Variants in SCAPER observed in about 807,000 individuals in gnomAD.
SCAPER encodes the protein S-phase cyclin A associated protein in the ER, also known as S phase cyclin A-associated protein in the endoplasmic reticulum.
SCAPER carries 98 observed loss-of-function variants against 182.2 expected under a neutral mutation model. The observed-to-expected ratio is 0.54, with a 90% CI of 0.46 to 0.64. SCAPER has a LOEUF of 0.64. Ranked by LOEUF, SCAPER falls within the 30% of genes least tolerant of loss-of-function variation. The pLI is 0.00. For synonymous variants in SCAPER, 605 were observed against 564.6 expected, an observed-to-expected ratio of 1.07 and a Z score of -1.01; for missense variants, 1,432 against 1,690.0, an observed-to-expected ratio of 0.85 and a Z score of 2.68.
chr15:76,516,214 A>C (rs1378901524), intron 23 of SCAPER, among the ~76,000 whole-genome samples: 1 of 151,710 alleles, frequency 6.6e-6, no homozygotes, highest in Non-Finnish European at 1.5e-5. Flanking sequence ...TCTTTTAAAA[A>C]ATTTTTTAAA....
At chr15:76,758,669 C>T (rs1245313417) in intron 14 of SCAPER, among the ~76,000 whole-genome samples, 1 of 152,124 alleles carries the variant, frequency 6.6e-6, no homozygotes, top group Non-Finnish European at 1.5e-5. Context: ...TTGTAGATCA[C>T]TTAAGGCTGT....
At chr15:76,464,658 T>C (rs1424088183) in intron 25 of SCAPER, among the ~76,000 whole-genome samples, 1 of 152,198 alleles carries the variant, frequency 6.6e-6, no homozygotes, top group African/African-American at 2.4e-5. Context: ...TGTTGATGAA[T>C]ATTTAGGTAT....
chr15:76,401,718 T>G (rs867737822), intron 27 of SCAPER, among the ~76,000 whole-genome samples: 4 of 152,208 alleles, frequency 2.6e-5, no homozygotes, highest in African/African-American at 9.7e-5. Flanking sequence ...AACTCTTGTA[T>G]GTCCGTATCT....
intron 7 of SCAPER, among the ~76,000 whole-genome samples, chr15:76,799,732 T>C (rs1296579571): frequency 6.6e-6 from 1 of 152,178 alleles, no homozygotes; most frequent in Non-Finnish European, 1.5e-5. Flanking sequence ...TAGAAGAGGA[T>C]GCCTGCAACG....
chr15:76,725,615 A>G (rs2060537398), intron 17 of SCAPER, among the ~76,000 whole-genome samples: 1 of 152,136 alleles, frequency 6.6e-6, no homozygotes, highest in Non-Finnish European at 1.5e-5. Context: ...ACAGTAATCA[A>G]AACAGTATGG....
intron 25 of SCAPER, among the ~76,000 whole-genome samples, chr15:76,448,091 G>A (rs1251576149): frequency 1.3e-5 from 2 of 152,186 alleles, no homozygotes; most frequent in Non-Finnish European, 2.9e-5. Flanking sequence ...GACTAGTGGT[G>A]TATGAGACTG....
chr15:76,859,154 T>C (rs770619070), intron 3 of SCAPER, among the ~76,000 whole-genome samples: 43 of 152,190 alleles, frequency 2.8e-4, no homozygotes, highest in Non-Finnish European at 5.7e-4. Flanking sequence ...AATAAAATTC[T>C]ATAATGTATA....
chr15:76,767,116 A>C, intron 10 of SCAPER, 28 bp from the exon 11 acceptor site: 1 of 1,526,218 alleles, frequency 6.6e-7, no homozygotes, highest in Non-Finnish European at 8.8e-7. Flanking sequence ...CATAAACAAA[A>C]AGAAAAATGA....
At chr15:76,627,918 C>G (rs1474648894) in intron 21 of SCAPER, among the ~76,000 whole-genome samples, 1 of 152,108 alleles carries the variant, frequency 6.6e-6, no homozygotes, top group Non-Finnish European at 1.5e-5. Flanking sequence ...AGTGTAAAAG[C>G]ACTCCTATTT....
At chr15:76,661,915 A>T (rs1197807169) in intron 21 of SCAPER, among the ~76,000 whole-genome samples, 1 of 152,228 alleles carries the variant, frequency 6.6e-6, no homozygotes, top group Non-Finnish European at 1.5e-5. Flanking sequence ...ACAATAACAA[A>T]GACATGGAAC....
chr15:76,810,120 T>C (rs2066480491), intron 5 of SCAPER, among the ~76,000 whole-genome samples: 1 of 152,058 alleles, frequency 6.6e-6, no homozygotes, highest in Non-Finnish European at 1.5e-5. Flanking sequence ...TTGTTCACAT[T>C]GAAACAAAAA....
chr15:76,574,728 C>A (rs1254518382), intron 22 of SCAPER, among the ~76,000 whole-genome samples: 1 of 152,138 alleles, frequency 6.6e-6, no homozygotes, highest in Non-Finnish European at 1.5e-5. Flanking sequence ...TGTTTACAGG[C>A]AGTTTGGGGA....
chr15:76,551,326 T>C (rs180845008), intron 23 of SCAPER, among the ~76,000 whole-genome samples: 1 of 152,160 alleles, frequency 6.6e-6, no homozygotes, highest in Non-Finnish European at 1.5e-5. Flanking sequence ...CATCAATGAA[T>C]GGATGGATAA....
intron 15 of SCAPER, among the ~76,000 whole-genome samples, chr15:76,733,880 A>G (rs1434355345): frequency 6.6e-6 from 1 of 152,244 alleles, no homozygotes; most frequent in Non-Finnish European, 1.5e-5. Context: ...ATTTACCTCA[A>G]AATGGATAAT....
intron 10 of SCAPER, 59 bp downstream of exon 10, chr15:76,771,683 G>T: frequency 7.9e-7 from 1 of 1,271,914 alleles, no homozygotes; most frequent in Non-Finnish European, 1.1e-6. Flanking sequence ...TGGGGTTTAT[G>T]CTTCTTAAAT....
intron 26 of SCAPER, among the ~76,000 whole-genome samples, chr15:76,415,847 A>T (rs1311698830): frequency 6.6e-6 from 1 of 152,210 alleles, no homozygotes; most frequent in Non-Finnish European, 1.5e-5. Flanking sequence ...ACAACAGGGA[A>T]AAGGTCTAAA....
chr15:76,792,165 A>C (rs1252227882), intron 8 of SCAPER, among the ~76,000 whole-genome samples: 1 of 151,980 alleles, frequency 6.6e-6, no homozygotes, highest in East Asian at 1.9e-4. Context: ...TTTAAAGTAC[A>C]CCCACAGGAA....
intron 22 of SCAPER, among the ~76,000 whole-genome samples, chr15:76,612,421 T>G (rs758019700): frequency 6.6e-6 from 1 of 152,094 alleles, no homozygotes; most frequent in Non-Finnish European, 1.5e-5. Context: ...GTATTTTTAG[T>G]AGAGAAAGGG....
In SCAPER at chr15:76,764,983, T is replaced by C; in HGVS notation, c.1703A>G (p.Lys568Arg). 1 of 1,597,120 alleles carries C rather than the reference T, an allele frequency of 6.3e-7. No homozygotes were observed. The highest frequency in any genetic ancestry group is 1.1e-5 in the South Asian group (1 of 87,844). ...REKLREEKTL[K>R]LQKLLEREKD... ...CACCCTTTCTAACAATTTCTGAAGC[T>C]TCAATGTTTTCTCTTCGCGTAACTT... The change falls in exon 14 of 32, where the codon AAG becomes AGG. Residue 568 changes from lysine (K) to arginine (R), a missense_variant. Lys to Arg is a conservative substitution (Grantham distance 26, BLOSUM62 2). Transcript: ENST00000563290.
Sources: gnomAD v4.1 joint callset for allele counts (sites outside exome capture counted in the v4.1 genomes callset) on GRCh38, gnomAD v4.1.1 for gene constraint, MANE v1.5 for transcripts, NCBI Gene and HGNC (gene_info 2026-07-23, HGNC 2026-07-21) for gene names.